The following PI4K2A variants were observed in gnomAD, a reference collection of about 807,000 sequenced individuals.
PI4K2A encodes phosphatidylinositol 4-kinase type 2-alpha.
A neutral mutation model predicts 55.0 loss-of-function variants in PI4K2A; 20 were observed. The observed-to-expected ratio is 0.36, with a 90% CI of 0.26 to 0.53. PI4K2A has a LOEUF of 0.53. Ranked by LOEUF, PI4K2A falls within the 20% of genes least tolerant of loss-of-function variation. The pLI, the probability that PI4K2A is intolerant of heterozygous loss-of-function variation, is 0.91. For missense variants in PI4K2A, 463 were observed against 637.1 expected, an observed-to-expected ratio of 0.73 and a Z score of 2.94; for synonymous variants, 235 against 258.5, an observed-to-expected ratio of 0.91 and a Z score of 0.87.
chr10:97,644,952 T>C lies in PI4K2A; in HGVS notation c.435+3775T>C, dbSNP rs538145171. On this transcript the variant is annotated intron_variant, in intron 1 of 8. Coordinates refer to ENST00000370631, the Ensembl canonical transcript of PI4K2A. The stretch of plus-strand genomic sequence containing the variant: ...AACAGCCCTGGTCCCATTTCTCAAT[T>C]TTGGATGGTTTCTGTCTCAGTGGGG... 7.9e-5 allele frequency among the ~76,000 whole-genome samples: 12 copies of C among 152,080 alleles called. No homozygotes were observed. In the South Asian group the frequency reaches 2.5e-3, roughly 32 times the overall value.
intron 1 of PI4K2A, among the ~76,000 whole-genome samples, chr10:97,649,778 C>T (rs1299334442): frequency 6.6e-6 from 1 of 151,732 alleles, no homozygotes; most frequent in Non-Finnish European, 1.5e-5. Context: ...TGCATGCCAC[C>T]ATGCCCAGCT....
intron 5 of PI4K2A, among the ~76,000 whole-genome samples, chr10:97,663,170 G>A (rs1182642793): frequency 3.3e-5 from 5 of 152,196 alleles, no homozygotes; most frequent in Non-Finnish European, 5.9e-5. Flanking sequence ...AATAGGAATA[G>A]CATGAAGAAA....
At chr10:97,668,356 T>G (rs2135761906) in intron 8 of PI4K2A, among the ~76,000 whole-genome samples, 1 of 152,286 alleles carries the variant, frequency 6.6e-6, no homozygotes. Flanking sequence ...GGTGGGCAGA[T>G]CACTTGAGCT....
At chr10:97,671,068 T>A (rs1171900510) in intron 8 of PI4K2A, among the ~76,000 whole-genome samples, 1 of 148,376 alleles carries the variant, frequency 6.7e-6, no homozygotes, top group Non-Finnish European at 1.5e-5. Context: ...ACCCAGGAGG[T>A]GAAGGTTGCT....
exon 1 of PI4K2A, chr10:97,641,130 A>G (rs1300711115): frequency 1.9e-6 from 3 of 1,608,172 alleles, no homozygotes; most frequent in African/African-American, 1.3e-5. Flanking sequence ...TCCCGAGCGC[A>G]TCTACCAGGG....
rs1162122633 is a variant in PI4K2A at position 97,644,773 on chromosome 10, G to C, written c.435+3596G>C. Among the ~76,000 whole-genome samples the C allele has an allele frequency of 3.9e-5, 6 of 152,244 alleles. No individual in the cohort carries two copies. In the East Asian group the frequency reaches 1.2e-3, roughly 29 times the overall value. ...CATTGTCTAAAACTTAGCTGTAGTA[G>C]TGGCTGGGAACTATAGTCTTTTTTC... On this transcript the variant is annotated intron_variant, in intron 1 of 8. Coordinates refer to ENST00000370631, the Ensembl canonical transcript of PI4K2A.
chr10:97,644,361 CAAAAG>C (rs1187707567), intron 1 of PI4K2A, among the ~76,000 whole-genome samples: 3 of 151,948 alleles, frequency 2.0e-5, no homozygotes, highest in African/African-American at 7.3e-5. Flanking sequence ...AAAAACAAAA[CAAAAG>C]AAAAGAATTT....
chr10:97,652,920 T>C (rs11189310), intron 2 of PI4K2A, among the ~76,000 whole-genome samples: 25,645 of 152,098 alleles, frequency 0.17, 2,336 homozygotes, highest in Non-Finnish European at 0.21. Context: ...CTTCCAACTT[T>C]AGGTCTAGCG....
intron 2 of PI4K2A, among the ~76,000 whole-genome samples, 165 bp downstream of exon 2, chr10:97,651,306 T>G (rs1472562055): frequency 3.3e-5 from 5 of 152,244 alleles, no homozygotes; most frequent in African/African-American, 1.2e-4. Context: ...GCTTATGATT[T>G]GATCACCTGA....
chr10:97,648,092 ATTTTT>A (rs11332690), intron 1 of PI4K2A, among the ~76,000 whole-genome samples: 1 of 120,680 alleles, frequency 8.3e-6, no homozygotes, highest in Admixed American at 8.7e-5. Context: ...CACTTAGCTA[ATTTTT>A]TTTTTTTTTT....
rs145066936 is a variant in PI4K2A at position 97,663,677 on chromosome 10, G to A, written c.984+709G>A. Reference sequence around the variant, plus strand: ...CTCTATTAAAATGCAAAAATTAGCCGGGCATGATGGCGGGAGCTTGTATTC... The same window carrying A: ...CTCTATTAAAATGCAAAAATTAGCCAGGCATGATGGCGGGAGCTTGTATTC... On this transcript the variant is annotated intron_variant, in intron 5 of 8. Transcript: ENST00000370631. Among the ~76,000 whole-genome samples the A allele has an allele frequency of 2.8e-4, 43 of 151,556 alleles. 1 individual carries two copies. The East Asian group carries it at 7.0e-3, about 25-fold the overall frequency.
chr10:97,640,733 T>C (rs1198052817), exon 1 of PI4K2A: 5 of 1,483,912 alleles, frequency 3.4e-6, no homozygotes, highest in Admixed American at 2.3e-5. Context: ...CGGAGCCGGC[T>C]GTCTGAGGGA....
At chr10:97,665,328 G>A (rs1360087711) in intron 6 of PI4K2A, among the ~76,000 whole-genome samples, 1 of 152,028 alleles carries the variant, frequency 6.6e-6, no homozygotes, top group Non-Finnish European at 1.5e-5. Flanking sequence ...AGGCTAGAGT[G>A]CAATGGTGCG....
chr10:97,659,983 TTTTC>T lies in PI4K2A; in HGVS notation c.923-2920_923-2917del, dbSNP rs1280499416. On this transcript the variant is annotated intron_variant, in intron 4 of 8. Coordinates refer to ENST00000370631, the Ensembl canonical transcript of PI4K2A. ...CCTTTTCTCCTTTCCCTTCCTTTTC[TTTTC>T]TTTTTCTTTCTTTTCTTTTTTTTTT... Among the ~76,000 whole-genome samples the T allele has an allele frequency of 2.6e-5, 4 of 151,758 alleles. No homozygotes were observed. In the East Asian group the frequency reaches 7.7e-4, roughly 29 times the overall value.
chr10:97,673,501 C>T, intron 8 of PI4K2A, 80 bp from the exon 9 acceptor site: 1 of 1,170,620 alleles, frequency 8.5e-7, no homozygotes, highest in South Asian at 1.4e-5. Context: ...TTGTAGGCGT[C>T]CTCTCTACTG....
chr10:97,660,781 A>G (rs2041578830), intron 4 of PI4K2A, among the ~76,000 whole-genome samples: 1 of 151,634 alleles, frequency 6.6e-6, no homozygotes, highest in South Asian at 2.1e-4. Context: ...TCTGACCCAT[A>G]GTTTACTTAA....
At chr10:97,650,413 C>T (rs889365666) in intron 1 of PI4K2A, among the ~76,000 whole-genome samples, 1 of 151,468 alleles carries the variant, frequency 6.6e-6, no homozygotes, top group Admixed American at 6.6e-5. Context: ...TCTGAAGTAA[C>T]TGGAATTACA....
intron 4 of PI4K2A, among the ~76,000 whole-genome samples, chr10:97,662,386 T>C (rs4919127): frequency 0.029 from 4,406 of 152,288 alleles, 183 homozygotes; most frequent in East Asian, 0.15. Flanking sequence ...TTGTAAATCC[T>C]GTCTGGAGGA....
At chr10:97,673,298 A>AT (rs892181889) in intron 8 of PI4K2A, among the ~76,000 whole-genome samples, 1 of 152,040 alleles carries the variant, frequency 6.6e-6, no homozygotes, top group Non-Finnish European at 1.5e-5. Flanking sequence ...GCAAGTATTT[A>AT]TTTTTTTGAA....
Sources: allele counts gnomAD v4.1 joint callset (sites outside exome capture counted in the v4.1 genomes callset), GRCh38; gene constraint gnomAD v4.1.1; transcripts MANE v1.5; gene names NCBI Gene and HGNC (gene_info 2026-07-23, HGNC 2026-07-21).